The following ZNF595 variants were observed in gnomAD, a reference collection of about 807,000 sequenced individuals.
ZNF595 encodes the protein zinc finger protein 595.
ZNF595 carries 9 observed loss-of-function variants against 19.4 expected under a neutral mutation model. The observed-to-expected ratio is 0.46, with a 90% CI of 0.28 to 0.81. The LOEUF is 0.81. Among genes scored for constraint, ZNF595 ranks in the 30% least tolerant of loss-of-function variants. ZNF595 has a pLI of 0.11. For missense variants in ZNF595, 729 were observed against 736.0 expected (o/e 0.99, Z 0.11); for synonymous variants, 255 against 255.9 (o/e 1.00, Z 0.03).
intron 3 of ZNF595, among the ~76,000 whole-genome samples, chr4:60,942 G>C (rs1712830878): frequency 6.6e-6 from 1 of 152,250 alleles, no homozygotes; most frequent in Non-Finnish European, 1.5e-5. Flanking sequence ...GCTTCCCTGG[G>C]CCACATTGGA....
chr4:57,642 G>C (rs1374979898), intron 1 of ZNF595, among the ~76,000 whole-genome samples: 3 of 149,606 alleles, frequency 2.0e-5, no homozygotes, highest in Non-Finnish European at 4.5e-5. Context: ...ATTAATAAAT[G>C]ATGGAATTCA....
Position 85,778 on chromosome 4 carries a change from G to C in ZNF595, c.274G>C (p.Glu92Gln). The change falls in exon 4 of 4, where the codon GAA (glutamate) becomes CAA (glutamine). Residue 92 changes from glutamate (E) to glutamine (Q), a missense_variant. Glu to Gln is a conservative substitution (Grantham distance 29). Transcript: ENST00000610261. ...AGACCTTTCACCAGTGCAGGGGATA[G>C]AAGATTCATTCCACAAACTTATACT... ...SQDLSPVQGI[E>Q]DSFHKLILKR... The C allele has an allele frequency of 1.2e-6, 2 of 1,612,090 alleles. No individual in the cohort carries two copies. Among genetic ancestry groups the C allele is most frequent in the Non-Finnish European group, 1.7e-6 (2 of 1,178,640 alleles).
At chr4:72,726 C>T (rs562240834) in intron 3 of ZNF595, among the ~76,000 whole-genome samples, 1 of 152,274 alleles carries the variant, frequency 6.6e-6, no homozygotes, top group South Asian at 2.1e-4. Context: ...ATTTCCATTT[C>T]TCCTGTGAAC....
chr4:85,728 C>A lies in ZNF595; in HGVS notation c.227-3C>A. On this transcript the variant is annotated splice_region_variant and splice_polypyrimidine_tract_variant and intron_variant, in intron 3 of 3. Coordinates refer to ENST00000610261, the MANE Select transcript of ZNF595 (RefSeq NM_182524.4). ...GATAATTTGTTATTTTTATTTCTTT[C>A]AGCTATATGTTCTCCTTTCAGCCAA... 1 of 1,539,428 alleles carries A rather than the reference C, an allele frequency of 6.5e-7. No individual in the cohort carries two copies. Among genetic ancestry groups the A allele is most frequent in the South Asian group, 1.3e-5 (1 of 78,634 alleles).
At chr4:73,561 T>A (rs149459285) in intron 3 of ZNF595, among the ~76,000 whole-genome samples, 12 of 152,162 alleles carry the variant, frequency 7.9e-5, no homozygotes, top group African/African-American at 2.9e-4. Context: ...AAAAGGTGAT[T>A]TATTAGCAGT....
intron 3 of ZNF595, among the ~76,000 whole-genome samples, chr4:76,817 G>C (rs1040195710): frequency 1.3e-5 from 2 of 152,092 alleles, no homozygotes; most frequent in Non-Finnish European, 2.9e-5. Context: ...GCAATTTGCT[G>C]ATAACCTTAT....
At chr4:83,602 AGAGT>A (rs1714008098) in intron 3 of ZNF595, among the ~76,000 whole-genome samples, 1 of 140,022 alleles carries the variant, frequency 7.1e-6, no homozygotes, top group South Asian at 2.4e-4. Flanking sequence ...CCTGGGTGAC[AGAGT>A]GAGACTCCGT....
intron 3 of ZNF595, among the ~76,000 whole-genome samples, chr4:83,642 A>AAGAAAG (rs1553800517): frequency 7.3e-6 from 1 of 136,384 alleles, no homozygotes; most frequent in African/African-American, 3.2e-5. Context: ...AAAAAAAAAA[A>AAGAAAG]AAAGAAAGAA....
chr4:57,577 A>G (rs1712675028), intron 1 of ZNF595, among the ~76,000 whole-genome samples: 1 of 152,048 alleles, frequency 6.6e-6, no homozygotes, highest in African/African-American at 2.4e-5. Context: ...GACATTAGAA[A>G]AAGAGATGAA....
At chr4:77,770 CA>C (rs199625636) in intron 3 of ZNF595, among the ~76,000 whole-genome samples, 419 of 150,852 alleles carry the variant, frequency 2.8e-3, no homozygotes, top group African/African-American at 9.5e-3. Flanking sequence ...TGGCCTGAGA[CA>C]AAAAAAAATC....
intron 3 of ZNF595, among the ~76,000 whole-genome samples, chr4:83,386 G>A (rs1187242076): frequency 2.0e-5 from 3 of 151,966 alleles, no homozygotes; most frequent in South Asian, 2.1e-4. Flanking sequence ...TTGGAAGGCC[G>A]AGGTGGGTGG....
At chr4:76,972 A>AC (rs1267876607) in intron 3 of ZNF595, among the ~76,000 whole-genome samples, 1 of 152,144 alleles carries the variant, frequency 6.6e-6, no homozygotes, top group Non-Finnish European at 1.5e-5. Flanking sequence ...GCTTCATAAA[A>AC]CTGAATGTCT....
Position 86,676 on chromosome 4 carries a change from C to G in ZNF595, c.1172C>G (p.Thr391Ser). The change falls in exon 4 of 4, where the codon ACT becomes AGT. Residue 391 changes from threonine to serine, a missense_variant. By Grantham distance (58) the Thr-to-Ser change is moderately conservative. Coordinates refer to ENST00000610261, the MANE Select transcript of ZNF595 (RefSeq NM_182524.4). ...CTTAATAAACATAAGAGAATTCATA[C>G]TGGAGAGAAACCCTACACATGTGAA... is the stretch of plus-strand genomic sequence containing the variant. ...SSLNKHKRIH[T>S]GEKPYTCEEC... 1 of 1,613,682 alleles carries G rather than the reference C, an allele frequency of 6.2e-7. No individual in the cohort carries two copies. The highest frequency in any genetic ancestry group is 1.1e-5 in the South Asian group (1 of 90,996).
intron 3 of ZNF595, among the ~76,000 whole-genome samples, chr4:66,166 A>G (rs1404607621): frequency 6.7e-6 from 1 of 148,904 alleles, no homozygotes; most frequent in Non-Finnish European, 1.5e-5. Flanking sequence ...TGTTGACAAT[A>G]TATATTATTT....
At chr4:84,225 T>C (rs1553800651) in intron 3 of ZNF595, among the ~76,000 whole-genome samples, 1 of 152,184 alleles carries the variant, frequency 6.6e-6, no homozygotes, top group Non-Finnish European at 1.5e-5. Flanking sequence ...TAGAGAATAA[T>C]TAAAATGTTT....
intron 3 of ZNF595, among the ~76,000 whole-genome samples, chr4:79,511 A>C (rs1290423340): frequency 6.6e-6 from 1 of 152,142 alleles, no homozygotes; most frequent in Non-Finnish European, 1.5e-5. Context: ...TGTTCTGGAC[A>C]TCTTTGTTAA....
At chr4:69,336 G>T (rs1713335002) in intron 3 of ZNF595, among the ~76,000 whole-genome samples, 1 of 152,110 alleles carries the variant, frequency 6.6e-6, no homozygotes, top group Non-Finnish European at 1.5e-5. Flanking sequence ...CTCCATAGTG[G>T]TTGGACTAAT....
intron 3 of ZNF595, among the ~76,000 whole-genome samples, chr4:73,075 A>G (rs2108755722): frequency 6.6e-6 from 1 of 152,264 alleles, no homozygotes; most frequent in South Asian, 2.1e-4. Flanking sequence ...TGTAATTGTT[A>G]CTGTCATGGG....
chr4:70,501 C>G (rs534162973), intron 3 of ZNF595, among the ~76,000 whole-genome samples: 3 of 152,120 alleles, frequency 2.0e-5, no homozygotes, highest in East Asian at 3.9e-4. Flanking sequence ...CCATGCCTGA[C>G]TAATTTTTGT....
Sources: gnomAD v4.1 joint callset for allele counts (sites outside exome capture counted in the v4.1 genomes callset) on GRCh38, gnomAD v4.1.1 for gene constraint, MANE v1.5 for transcripts, NCBI Gene and HGNC (gene_info 2026-07-23, HGNC 2026-07-21) for gene names.